DLGAP4: variants seen among roughly 807,000 people sequenced by gnomAD.
The protein encoded by DLGAP4 is disks large-associated protein 4.
In DLGAP4, 18 loss-of-function variants were observed where a neutral mutation model predicts 86.9. The observed-to-expected ratio is 0.21, with a 90% CI of 0.14 to 0.31. DLGAP4 has a LOEUF of 0.31. Among genes scored for constraint, DLGAP4 ranks in the 10% least tolerant of loss-of-function variants. DLGAP4 has a pLI of 1.00. For synonymous variants in DLGAP4, 548 were observed against 574.3 expected (o/e 0.95, Z 0.65); for missense variants, 1,085 against 1,362.6 (o/e 0.80, Z 3.21).
At chr20:36,479,013 G>C (rs1256579284) in intron 7 of DLGAP4, among the ~76,000 whole-genome samples, 1 of 152,212 alleles carries the variant, frequency 6.6e-6, no homozygotes, top group Non-Finnish European at 1.5e-5. Context: ...ACTCCTCAGT[G>C]TGGCTGACCC....
chr20:36,363,922 A>G (rs1410495590), intron 1 of DLGAP4, among the ~76,000 whole-genome samples: 2 of 152,168 alleles, frequency 1.3e-5, no homozygotes, highest in Non-Finnish European at 2.9e-5. Flanking sequence ...TGGTGAGGAG[A>G]AGCCGAGGGA....
At chr20:36,495,258 C>A (rs140793802) in intron 7 of DLGAP4, among the ~76,000 whole-genome samples, 1 of 152,060 alleles carries the variant, frequency 6.6e-6, no homozygotes, top group Non-Finnish European at 1.5e-5. Context: ...CACTTTTTAG[C>A]CATTCTGATA....
intron 2 of DLGAP4, among the ~76,000 whole-genome samples, chr20:36,374,662 G>A (rs1043936448): frequency 6.6e-6 from 1 of 152,228 alleles, no homozygotes; most frequent in Non-Finnish European, 1.5e-5. Flanking sequence ...AGGACCCAAT[G>A]CCCCTCAAGG....
chr20:36,314,027 G>A (rs1487351869), intron 1 of DLGAP4, among the ~76,000 whole-genome samples: 3 of 152,118 alleles, frequency 2.0e-5, no homozygotes, highest in African/African-American at 7.2e-5. Flanking sequence ...TGTGGCGGCA[G>A]GTGAAGGGGT....
chr20:36,431,088 A>G lies in DLGAP4; in HGVS notation c.-72-558A>G, dbSNP rs972109536. ...CATCCCCCCATAGACCACCCTGGAT[A>G]CTGGGCACCCTGGGATTCCCTGCCC... is the stretch of plus-strand genomic sequence containing the variant. On this transcript the variant is annotated intron_variant, in intron 2 of 12. Coordinates refer to ENST00000339266, the MANE Select transcript of DLGAP4 (RefSeq NM_001365621.2). The surrounding 1 kb of genome is among the most constrained non-coding windows in gnomAD (Gnocchi z 5.1). 2.0e-5 allele frequency among the ~76,000 whole-genome samples: 3 copies of G among 151,980 alleles called. No individual in the cohort carries two copies. The highest frequency in any genetic ancestry group is 2.9e-5 in the Non-Finnish European group (2 of 67,990).
At chr20:36,434,268 T>A (rs2033210086) in intron 3 of DLGAP4, among the ~76,000 whole-genome samples, 1 of 152,180 alleles carries the variant, frequency 6.6e-6, no homozygotes, top group South Asian at 2.1e-4. Flanking sequence ...AACGAGATGA[T>A]CTTCGGGGTC....
chr20:36,457,380 G>T (rs991017118), intron 7 of DLGAP4, among the ~76,000 whole-genome samples: 2 of 150,602 alleles, frequency 1.3e-5, no homozygotes, highest in East Asian at 3.9e-4. Context: ...CACCACGCCC[G>T]GCTAATTTTT....
At chr20:36,513,998 G>A (rs1338009068) in intron 10 of DLGAP4, among the ~76,000 whole-genome samples, 1 of 152,210 alleles carries the variant, frequency 6.6e-6, no homozygotes, top group Non-Finnish European at 1.5e-5. Context: ...GGAGTCACCA[G>A]AGTATAGATT....
At chr20:36,454,811 G>A (rs753259005) in intron 7 of DLGAP4, among the ~76,000 whole-genome samples, 5 of 152,228 alleles carry the variant, frequency 3.3e-5, no homozygotes, top group Admixed American at 6.5e-5. Context: ...CAAGCAGGGC[G>A]TGGGCAGGGT....
At chr20:36,480,986 A>G (rs1001916837) in intron 7 of DLGAP4, among the ~76,000 whole-genome samples, 2 of 152,182 alleles carry the variant, frequency 1.3e-5, no homozygotes, top group Non-Finnish European at 2.9e-5. Context: ...AGCCTGGATG[A>G]CAGTGAGACT....
intron 7 of DLGAP4, among the ~76,000 whole-genome samples, chr20:36,486,921 G>C (rs1444688758): frequency 6.6e-6 from 1 of 152,174 alleles, no homozygotes; most frequent in Admixed American, 6.5e-5. Flanking sequence ...CTGGAATGGG[G>C]AGCCTTTGAA....
chr20:36,393,022 T>C lies in DLGAP4; in HGVS notation c.-73+25747T>C, dbSNP rs2031834277. 6.6e-6 allele frequency among the ~76,000 whole-genome samples: 1 copy of C among 151,542 alleles called. No individual in the cohort carries two copies. Among genetic ancestry groups the C allele is most frequent in the South Asian group, 2.1e-4 (1 of 4,766 alleles). On this transcript the variant is annotated intron_variant, in intron 2 of 12. Transcript: ENST00000339266. The surrounding 1 kb of genome is among the most constrained non-coding windows in gnomAD (Gnocchi z 4.4). ...CCTGAGGCAGGAAACAGGAGGCCAG[T>C]TGGGCTGAGGACTGGGAAAGGGAGG... is the stretch of plus-strand genomic sequence containing the variant.
chr20:36,307,104 G>A (rs1231824920), intron 1 of DLGAP4, among the ~76,000 whole-genome samples: 2 of 151,994 alleles, frequency 1.3e-5, no homozygotes, highest in African/African-American at 4.8e-5. Context: ...GGGAGGGGGC[G>A]GGGGCAGCAC....
intron 2 of DLGAP4, among the ~76,000 whole-genome samples, chr20:36,422,987 G>A (rs1203617763): frequency 6.6e-6 from 1 of 152,130 alleles, no homozygotes; most frequent in Admixed American, 6.5e-5. Flanking sequence ...GTGTTGGGTG[G>A]CTGAGGGCCT....
At chr20:36,435,435 A>G (rs1391897855) in intron 3 of DLGAP4, among the ~76,000 whole-genome samples, 3 of 152,204 alleles carry the variant, frequency 2.0e-5, no homozygotes, top group Non-Finnish European at 4.4e-5. Flanking sequence ...CTGGGGGACC[A>G]GGGCTGCCCT....
intron 7 of DLGAP4, among the ~76,000 whole-genome samples, chr20:36,470,629 T>C (rs1296124328): frequency 1.3e-5 from 2 of 151,666 alleles, no homozygotes; most frequent in African/African-American, 4.8e-5. Flanking sequence ...CCCAGACACC[T>C]AATCACTGTG....
chr20:36,323,002 C>G (rs781988039), intron 1 of DLGAP4, among the ~76,000 whole-genome samples: 8 of 151,446 alleles, frequency 5.3e-5, no homozygotes, highest in Non-Finnish European at 1.0e-4. Flanking sequence ...TGGTGAAACC[C>G]CATCTCTACA....
intron 2 of DLGAP4, among the ~76,000 whole-genome samples, chr20:36,392,218 A>T (rs1165050717): frequency 1.3e-5 from 2 of 152,192 alleles, no homozygotes; most frequent in Non-Finnish European, 2.9e-5. Flanking sequence ...GGAGAGAGAC[A>T]GGAGAGGAGC....
At chr20:36,461,409 G>T in intron 7 of DLGAP4, 17 of 965,938 alleles carry the variant, frequency 1.8e-5, no homozygotes, top group Non-Finnish European at 2.0e-5. Context: ...GGCTGACGCG[G>T]GGGGCGGGGA....
Sources: allele counts gnomAD v4.1 joint callset (sites outside exome capture counted in the v4.1 genomes callset), GRCh38; gene constraint gnomAD v4.1.1; non-coding constraint Gnocchi (gnomAD v3.1); transcripts MANE v1.5; gene names NCBI Gene and HGNC (gene_info 2026-07-23, HGNC 2026-07-21).